The following LAT2 variants were observed in gnomAD, a reference collection of about 807,000 sequenced individuals.
The protein encoded by LAT2 is linker for activation of T-cells family member 2.
In LAT2, 23 loss-of-function variants were observed where a neutral mutation model predicts 43.4. The observed-to-expected ratio is 0.53, with a 90% confidence interval of 0.38 to 0.75. The LOEUF is 0.75. LAT2 is among the 30% of genes least tolerant of loss of function. LAT2 has a pLI of 0.00. For synonymous variants in LAT2, 128 were observed against 123.2 expected (o/e 1.04, Z -0.26); for missense variants, 284 against 310.2 (o/e 0.92, Z 0.64).
At chr7:74,222,840 G>A (rs1802342547) in intron 10 of LAT2, among the ~76,000 whole-genome samples, 1 of 152,154 alleles carries the variant, frequency 6.6e-6, no homozygotes, top group Non-Finnish European at 1.5e-5. Context: ...CTCCCAAAGT[G>A]CTGGGATTAC....
At chr7:74,224,799 T>C in intron 13 of LAT2, 39 bp downstream of exon 13, 1 of 1,417,134 alleles carries the variant, frequency 7.1e-7, no homozygotes, top group Non-Finnish European at 9.5e-7. Flanking sequence ...GGCCAAGGAT[T>C]GGAGGTCTTG....
intron 1 of LAT2, among the ~76,000 whole-genome samples, chr7:74,213,641 T>C (rs1345839240): frequency 6.6e-6 from 1 of 151,954 alleles, no homozygotes; most frequent in Non-Finnish European, 1.5e-5. Context: ...GTCAGGCTAG[T>C]CTCGAACTCC....
At chr7:74,215,424 G>A (rs576846982) in intron 2 of LAT2, 28 of 164,472 alleles carry the variant, frequency 1.7e-4, no homozygotes, top group Non-Finnish European at 3.4e-4. Context: ...TGGGGTGGGC[G>A]AGGGCTTCCG....
chr7:74,228,209 G>T (rs1411426860), intron 13 of LAT2, among the ~76,000 whole-genome samples: 1 of 142,546 alleles, frequency 7.0e-6, no homozygotes, highest in Non-Finnish European at 1.5e-5. Context: ...AGGCGCGGTG[G>T]CTCACGCCTG....
At chr7:74,210,718 C>T (rs979297613) in intron 1 of LAT2, among the ~76,000 whole-genome samples, 4 of 152,114 alleles carry the variant, frequency 2.6e-5, no homozygotes, top group Non-Finnish European at 2.9e-5. Context: ...GAGGCCAAGG[C>T]GGGAGGATCA....
rs1430886000 is a variant in LAT2, at chr7:74,220,532, G to T, written c.266-52G>T. ...GCCTTGGGCTGCAGCACCCGAGCTG[G>T]GTGCAAAGCAGGGGCCAGGGGAGAA... is the stretch of plus-strand genomic sequence containing the variant. On this transcript the variant is annotated intron_variant, in intron 7 of 13. Coordinates refer to ENST00000460943, the MANE Select transcript of LAT2 (RefSeq NM_032464.3). The surrounding 1 kb of genome is among the most constrained non-coding windows in gnomAD (Gnocchi z 4.5). 3.1e-6 allele frequency: 5 copies of T among 1,610,794 alleles called. No individual in the cohort carries two copies. The highest frequency in any genetic ancestry group is 1.7e-5 in the Admixed American group (1 of 59,786).
At position 74,220,424 on chromosome 7, in the gene LAT2, G is replaced by T. The variant is rs575371202; in HGVS notation, c.266-160G>T. On this transcript the variant is annotated intron_variant, in intron 7 of 13. Coordinates refer to ENST00000460943, the MANE Select transcript of LAT2 (RefSeq NM_032464.3). The surrounding 1 kb of genome is among the most constrained non-coding windows in gnomAD (Gnocchi z 4.5). ...GCAGGCTCCTGGAATCGGCCTGGCA[G>T]GGGGAGGGTGCACACTCGCACATGC... 5.0e-4 allele frequency: 612 copies of T among 1,216,090 alleles called. 1 individual carries two copies. The African/African-American group carries it at 8.0e-3, about 16-fold the overall frequency. The allele number at this position is 1,216,090 out of a possible 1,614,324, so 75.3% of individuals were successfully genotyped here.
In LAT2 at chr7:74,220,399, G is replaced by A. The variant is rs1802221309; in HGVS notation, c.265+145G>A. On this transcript the variant is annotated intron_variant, in intron 7 of 13. Transcript: ENST00000460943. This position sits in a 1 kb window ranked among gnomAD's most constrained non-coding sequence, Gnocchi z 4.5. ...GGAGAGACACACAGGCTGGGGCAGG[G>A]CAGGCTCCTGGAATCGGCCTGGCAG... 1 of 1,237,944 alleles carries A rather than the reference G, an allele frequency of 8.1e-7. No homozygotes were observed. Among genetic ancestry groups the A allele is most frequent in the Non-Finnish European group, 1.2e-6 (1 of 863,766 alleles). 76.7% of individuals were successfully genotyped at this position (1,237,944 alleles called of 1,614,324 possible). A position where few individuals can be genotyped will look rare whatever the true frequency, so the allele number is the denominator to read the frequency against.
intron 1 of LAT2, among the ~76,000 whole-genome samples, chr7:74,211,359 C>A (rs1163332123): frequency 6.6e-6 from 1 of 152,194 alleles, no homozygotes; most frequent in East Asian, 1.9e-4. Flanking sequence ...TCACTGCAAC[C>A]TCCACCTCCC....
intron 2 of LAT2, 63 bp downstream of exon 2, chr7:74,215,073 C>T (rs982790445): frequency 6.6e-6 from 1 of 152,026 alleles, no homozygotes; most frequent in Non-Finnish European, 1.5e-5. Context: ...AAGGCTGGGA[C>T]CAGCCACAGA....
At chr7:74,212,358 G>A (rs1460658038) in intron 1 of LAT2, among the ~76,000 whole-genome samples, 1 of 151,826 alleles carries the variant, frequency 6.6e-6, no homozygotes, top group Non-Finnish European at 1.5e-5. Context: ...TCAGCTCACT[G>A]CAACTCACTG....
intron 13 of LAT2, 83 bp downstream of exon 13, chr7:74,224,843 C>A (rs1802427663): frequency 1.9e-6 from 2 of 1,057,432 alleles, no homozygotes. Flanking sequence ...AAGGGAACAG[C>A]CGAGAGTGTG....
intron 1 of LAT2, among the ~76,000 whole-genome samples, chr7:74,213,665 T>C (rs534370298): frequency 3.9e-4 from 59 of 151,564 alleles, no homozygotes; most frequent in Admixed American, 7.9e-4. Flanking sequence ...CCTCGTGATC[T>C]GCCCGCCTTG....
chr7:74,219,593 A>T, intron 4 of LAT2, 151 bp from the exon 5 acceptor site: 1 of 928,048 alleles, frequency 1.1e-6, no homozygotes, highest in East Asian at 2.4e-5. Context: ...CGTGAGAATG[A>T]GGCCTGAAAG....
intron 11 of LAT2, 27 bp from the exon 12 acceptor site, chr7:74,223,991 A>AG (rs34624469): frequency 6.2e-6 from 10 of 1,608,412 alleles, no homozygotes; most frequent in Non-Finnish European, 8.5e-6. Flanking sequence ...GACTGAGCCA[A>AG]GGGGGGCCTA....
chr7:74,227,612 C>T (rs1802538320), intron 13 of LAT2, among the ~76,000 whole-genome samples: 1 of 152,108 alleles, frequency 6.6e-6, no homozygotes, highest in South Asian at 2.1e-4. Context: ...AGAGTGGGTA[C>T]AGGAAGCCCA....
Position 74,215,825 on chromosome 7 carries a change from G to T in LAT2, c.-29-122G>T, listed in dbSNP as rs2293757. On this transcript the variant is annotated intron_variant, in intron 2 of 13. Coordinates refer to ENST00000460943, the MANE Select transcript of LAT2 (RefSeq NM_032464.3). ...TTCTGTCCTTGCCCAGTGCAGGAGC[G>T]GGGAGGGGAGGTGGTGTTTCCGCAG... The T allele has an allele frequency of 1.7e-3, 1,216 of 712,108 alleles. 2 individuals are homozygous for T. The highest frequency in any genetic ancestry group is 2.7e-3 in the Non-Finnish European group (1,076 of 397,782). The allele number at this position is 712,108 out of a possible 1,614,324, so 44.1% of individuals were successfully genotyped here. A position where few individuals can be genotyped will look rare whatever the true frequency, so the allele number is the denominator to read the frequency against.
Position 74,221,699 on chromosome 7 carries a change from C to T in LAT2, c.388+7C>T, listed in dbSNP as rs191774112. ...TTCTCGAAGCCCCCAGAAGGTGAGG[C>T]GAAGGACAAAGCCGGAGGTGGAGGA... On this transcript the variant is annotated splice_region_variant and intron_variant, in intron 10 of 13. Transcript: ENST00000460943. 3.0e-4 allele frequency: 481 copies of T among 1,610,038 alleles called. 6 individuals carry two copies. In the East Asian group the frequency reaches 9.5e-3, roughly 32 times the overall value.
intron 1 of LAT2, among the ~76,000 whole-genome samples, chr7:74,213,678 C>T (rs1801818916): frequency 6.6e-6 from 1 of 152,158 alleles, no homozygotes; most frequent in Admixed American, 6.6e-5. Flanking sequence ...CCGCCTTGGC[C>T]TCCCAAAGTG....
Sources: allele counts gnomAD v4.1 joint callset (sites outside exome capture counted in the v4.1 genomes callset), GRCh38; gene constraint gnomAD v4.1.1; non-coding constraint Gnocchi (gnomAD v3.1); transcripts MANE v1.5; gene names NCBI Gene and HGNC (gene_info 2026-07-23, HGNC 2026-07-21).